ADCY2: variants seen among roughly 807,000 people sequenced by gnomAD.
The protein encoded by ADCY2 is adenylate cyclase 2.
In ADCY2, 31 loss-of-function variants were observed where a neutral mutation model predicts 125.2. That is an observed-to-expected ratio of 0.25 (90% CI 0.19 to 0.33). The LOEUF is 0.33. Among genes scored for constraint, ADCY2 ranks in the 10% least tolerant of loss-of-function variants. ADCY2 has a pLI of 1.00. For missense variants in ADCY2, 904 were observed against 1,418.2 expected (o/e 0.64, Z 5.82); for synonymous variants, 512 against 548.4 (o/e 0.93, Z 0.93).
intron 4 of ADCY2, among the ~76,000 whole-genome samples, chr5:7,678,175 A>G (rs1304092377): frequency 2.6e-5 from 4 of 152,178 alleles, no homozygotes; most frequent in African/African-American, 9.7e-5. Context: ...CTGGCAGAAA[A>G]CTTGCCTTCT....
chr5:7,620,487 C>A (rs553003713), intron 3 of ADCY2, among the ~76,000 whole-genome samples: 1 of 152,294 alleles, frequency 6.6e-6, no homozygotes, highest in Admixed American at 6.5e-5. Flanking sequence ...ATGTCATTAA[C>A]CAAAGCACAG....
At chr5:7,596,356 AC>A (rs1737005590) in intron 3 of ADCY2, among the ~76,000 whole-genome samples, 3 of 151,802 alleles carry the variant, frequency 2.0e-5, no homozygotes, top group African/African-American at 7.3e-5. Context: ...AAGTATCTCC[AC>A]CGTTTCCTCA....
chr5:7,723,264 G>A (rs979794776), intron 12 of ADCY2, among the ~76,000 whole-genome samples: 5 of 152,254 alleles, frequency 3.3e-5, no homozygotes, highest in Admixed American at 6.5e-5. Flanking sequence ...TTTTACCTAT[G>A]TGACAATCCT....
At position 7,459,847 on chromosome 5, in the gene ADCY2, C is replaced by T. The variant is rs184252786; in HGVS notation, c.408+45077C>T. ...TCTCGCCCAGGCTGGAGTGCAGTGG[C>T]GCGATCGCGGCTCACTGCAAGCTCT... On this transcript the variant is annotated intron_variant, in intron 2 of 24. Coordinates refer to ENST00000338316, the MANE Select transcript of ADCY2 (RefSeq NM_020546.3). 4.1e-5 allele frequency among the ~76,000 whole-genome samples: 5 copies of T among 120,928 alleles called. No individual in the cohort carries two copies. The East Asian group carries it at 1.1e-3, about 27-fold the overall frequency. The allele number at this position is 120,928 out of a possible 152,430, so 79.3% of individuals were successfully genotyped here. A position where few individuals can be genotyped will look rare whatever the true frequency, so the allele number is the denominator to read the frequency against.
At chr5:7,821,992 G>A (rs1250473945) in intron 24 of ADCY2, among the ~76,000 whole-genome samples, 1 of 152,196 alleles carries the variant, frequency 6.6e-6, no homozygotes, top group Admixed American at 6.5e-5. Flanking sequence ...TCACAGCTCA[G>A]TAGCAACATC....
At chr5:7,493,958 C>A (rs74988858) in intron 2 of ADCY2, among the ~76,000 whole-genome samples, 7,284 of 152,016 alleles carry the variant, frequency 0.048, 609 homozygotes, top group African/African-American at 0.17. Flanking sequence ...TCCCCGGTCC[C>A]GGTGGAAACC....
At position 7,673,650 on chromosome 5, in the gene ADCY2, A is replaced by G. The variant is rs1035186441; in HGVS notation, c.721-17041A>G. ...GTAGCCTTTCTCCAGGCTCTGCCCAACCTCCACTCGTGTGGGGAATGAAGT... is the reference window on the plus strand; with the variant it reads ...GTAGCCTTTCTCCAGGCTCTGCCCAGCCTCCACTCGTGTGGGGAATGAAGT... On this transcript the variant is annotated intron_variant, in intron 4 of 24. Coordinates refer to ENST00000338316, the MANE Select transcript of ADCY2 (RefSeq NM_020546.3). 4.6e-5 allele frequency among the ~76,000 whole-genome samples: 7 copies of G among 152,126 alleles called. No individual in the cohort carries two copies. The East Asian group carries it at 1.2e-3, about 25-fold the overall frequency.
intron 2 of ADCY2, among the ~76,000 whole-genome samples, chr5:7,495,501 C>A (rs1366972086): frequency 2.6e-5 from 4 of 152,162 alleles, no homozygotes; most frequent in African/African-American, 9.7e-5. Flanking sequence ...GTTTTGTTCC[C>A]AGAAAATGAA....
chr5:7,607,841 G>C (rs1737432966), intron 3 of ADCY2, among the ~76,000 whole-genome samples: 1 of 152,178 alleles, frequency 6.6e-6, no homozygotes. Context: ...GGCCATATTT[G>C]AATCTGTGGC....
intron 1 of ADCY2, among the ~76,000 whole-genome samples, chr5:7,405,610 G>A (rs371280175): frequency 9.2e-5 from 14 of 152,158 alleles, no homozygotes; most frequent in African/African-American, 3.4e-4. Flanking sequence ...AAGCCCTACT[G>A]CCCAAGTCTT....
At chr5:7,568,716 A>C (rs1412611423) in intron 3 of ADCY2, among the ~76,000 whole-genome samples, 1 of 152,204 alleles carries the variant, frequency 6.6e-6, no homozygotes, top group Admixed American at 6.5e-5. Flanking sequence ...TAAATCAAAA[A>C]TTCACCACCT....
chr5:7,401,090 C>T (rs1739246284), intron 1 of ADCY2, among the ~76,000 whole-genome samples: 1 of 152,166 alleles, frequency 6.6e-6, no homozygotes, highest in Non-Finnish European at 1.5e-5. Context: ...ACCTATGTCT[C>T]AGTTTCCTTG....
rs184566354 is a variant in ADCY2 at position 7,700,406 on chromosome 5, A to G, written c.1109+2032A>G. Among the ~76,000 whole-genome samples the G allele has an allele frequency of 6.6e-5, 10 of 152,264 alleles. No homozygotes were observed. In the South Asian group the frequency reaches 1.9e-3, roughly 28 times the overall value. ...AAGCCAGAATATTCTTATAAATAAT[A>G]AAGCCTTTTGTTTGCTGACTGCATG... On this transcript the variant is annotated intron_variant, in intron 7 of 24. Transcript: ENST00000338316.
intron 3 of ADCY2, among the ~76,000 whole-genome samples, chr5:7,613,645 A>AATC (rs1737651911): frequency 6.6e-6 from 1 of 152,228 alleles, no homozygotes; most frequent in South Asian, 2.1e-4. Flanking sequence ...TGACTGACTG[A>AATC]ATCATCATCT....
chr5:7,610,251 A>C (rs1737532228), intron 3 of ADCY2, among the ~76,000 whole-genome samples: 1 of 152,178 alleles, frequency 6.6e-6, no homozygotes, highest in African/African-American at 2.4e-5. Flanking sequence ...AGAGAAGTAG[A>C]CCTGGGCAGT....
In ADCY2 at chr5:7,707,805, C is replaced by A; in HGVS notation, c.1368C>A (p.His456Gln). 3.7e-6 allele frequency: 6 copies of A among 1,613,958 alleles called. No individual in the cohort carries two copies. The highest frequency in any genetic ancestry group is 5.1e-6 in the Non-Finnish European group (6 of 1,179,994). ...TTAGGGACCCATATTTAAAACAGCA[C>A]CTGGTGAAAACCTACTTTGTGATCA... The part of the protein sequence containing the change: ...GDIRDPYLKQ[H>Q]LVKTYFVINP... Residue 456 changes from histidine (H) to glutamine (Q), a missense_variant, in exon 9 of 25, where the codon CAC becomes CAA. His to Gln is a conservative substitution (Grantham distance 24, BLOSUM62 0). Around this residue, in one of 7 missense-constraint regions of ADCY2, gnomAD observed 144 missense variants for 227.7 expected, o/e 0.63. Coordinates refer to ENST00000338316, the MANE Select transcript of ADCY2 (RefSeq NM_020546.3).
intron 19 of ADCY2, among the ~76,000 whole-genome samples, chr5:7,788,456 A>C (rs2126503436): frequency 6.6e-6 from 1 of 152,376 alleles, no homozygotes; most frequent in South Asian, 2.1e-4. Context: ...CTGGGATTAC[A>C]GGCATGAGCC....
chr5:7,511,885 T>C (rs988864814), intron 2 of ADCY2, among the ~76,000 whole-genome samples: 4 of 151,958 alleles, frequency 2.6e-5, no homozygotes, highest in African/African-American at 9.7e-5. Flanking sequence ...AGACCCTTAT[T>C]GGCATGATAA....
At chr5:7,531,233 G>T (rs942090279) in intron 3 of ADCY2, among the ~76,000 whole-genome samples, 1 of 152,118 alleles carries the variant, frequency 6.6e-6, no homozygotes, top group African/African-American at 2.4e-5. Flanking sequence ...AGAGTGTTTT[G>T]TTTCTTAGAG....
Sources: gnomAD v4.1 joint callset for allele counts (sites outside exome capture counted in the v4.1 genomes callset) on GRCh38, gnomAD v4.1.1 for gene constraint, gnomAD v4.1.1 regional missense constraint, MANE v1.5 for transcripts, NCBI Gene and HGNC (gene_info 2026-07-23, HGNC 2026-07-21) for gene names.